PTPRK: variants seen among roughly 807,000 people sequenced by gnomAD.
The protein encoded by PTPRK is protein tyrosine phosphatase receptor type K.
Under a neutral mutation model 178.0 loss-of-function variants are expected in PTPRK, and 75 were observed. That is an observed-to-expected ratio of 0.42 (90% CI 0.35 to 0.51). The LOEUF is 0.51. Among genes scored for constraint, PTPRK ranks in the 20% least tolerant of loss-of-function variants. The pLI, the probability that PTPRK is intolerant of heterozygous loss-of-function variation, is 0.02. For synonymous variants in PTPRK, 637 were observed against 620.6 expected, an observed-to-expected ratio of 1.03 and a Z score of -0.39; for missense variants, 1,441 against 1,797.8, an observed-to-expected ratio of 0.80 and a Z score of 3.59.
chr6:128,321,435 A>C (rs1436322062), intron 3 of PTPRK: 2 of 229,334 alleles, frequency 8.7e-6, no homozygotes, highest in Non-Finnish European at 1.7e-5. Flanking sequence ...ATTTAATCAT[A>C]ATTCAATGAA....
At chr6:127,985,149 T>C (rs1178178838) in intron 22 of PTPRK, among the ~76,000 whole-genome samples, 1 of 152,196 alleles carries the variant, frequency 6.6e-6, no homozygotes, top group Non-Finnish European at 1.5e-5. Context: ...ATGCTTGTTT[T>C]AAGAGAAGTT....
At chr6:128,408,257 G>A (rs7774606) in intron 1 of PTPRK, among the ~76,000 whole-genome samples, 114,585 of 151,916 alleles carry the variant, frequency 0.75, 44,740 homozygotes, top group East Asian at 0.99. Flanking sequence ...GCGTGGTGGC[G>A]GGCGCCTGTA....
chr6:128,075,496 A>C (rs1397384706), intron 11 of PTPRK, among the ~76,000 whole-genome samples: 2 of 151,832 alleles, frequency 1.3e-5, no homozygotes, highest in Non-Finnish European at 2.9e-5. Flanking sequence ...GCTCATTTCT[A>C]CCTCTCCTCA....
intron 11 of PTPRK, among the ~76,000 whole-genome samples, chr6:128,071,100 C>T (rs1782741088): frequency 1.4e-5 from 2 of 144,848 alleles, no homozygotes; most frequent in East Asian, 2.0e-4. Flanking sequence ...ATCATGCAGG[C>T]TCTGAGGATA....
intron 8 of PTPRK, among the ~76,000 whole-genome samples, chr6:128,088,494 T>C (rs975023362): frequency 7.2e-5 from 11 of 152,134 alleles, no homozygotes; most frequent in African/African-American, 2.4e-4. Context: ...CATTGAAAGA[T>C]AAGAACTGAC....
At chr6:128,508,893 G>C (rs1481478863) in intron 1 of PTPRK, among the ~76,000 whole-genome samples, 1 of 150,792 alleles carries the variant, frequency 6.6e-6, no homozygotes, top group Admixed American at 6.6e-5. Flanking sequence ...GTTGCGGTGA[G>C]CCAAGATCAT....
At chr6:128,095,152 T>G (rs1325640252) in intron 7 of PTPRK, among the ~76,000 whole-genome samples, 1 of 151,746 alleles carries the variant, frequency 6.6e-6, no homozygotes, top group African/African-American at 2.4e-5. Context: ...ACCCACTAAG[T>G]CAAAAGCAGA....
intron 13 of PTPRK, among the ~76,000 whole-genome samples, chr6:128,031,363 C>A (rs1018887130): frequency 6.6e-6 from 1 of 152,216 alleles, no homozygotes; most frequent in African/African-American, 2.4e-5. Context: ...CATCCTCTGG[C>A]ACTTTGCACT....
At chr6:128,279,564 G>A (rs528852634) in intron 3 of PTPRK, among the ~76,000 whole-genome samples, 14 of 152,258 alleles carry the variant, frequency 9.2e-5, no homozygotes, top group Admixed American at 6.5e-4. Flanking sequence ...TACTCCAGAC[G>A]TTAACCAAAG....
At chr6:128,204,118 C>T (rs990984057) in intron 6 of PTPRK, among the ~76,000 whole-genome samples, 1 of 152,094 alleles carries the variant, frequency 6.6e-6, no homozygotes, top group African/African-American at 2.4e-5. Context: ...AAAAATAAGA[C>T]TATCCACCTA....
chr6:128,032,967 C>T (rs867924676), intron 13 of PTPRK, among the ~76,000 whole-genome samples: 6 of 152,128 alleles, frequency 3.9e-5, no homozygotes, highest in African/African-American at 1.2e-4. Context: ...CAGAGGTACA[C>T]CCCAAGCCAG....
chr6:128,185,084 A>C (rs1295112455), intron 6 of PTPRK, among the ~76,000 whole-genome samples: 10 of 152,188 alleles, frequency 6.6e-5, no homozygotes, highest in Non-Finnish European at 2.9e-5. Context: ...TTTCATTCAC[A>C]AACTATGCCC....
intron 23 of PTPRK, 101 bp from the exon 24 acceptor site, chr6:127,983,081 G>T: frequency 7.4e-7 from 1 of 1,342,434 alleles, no homozygotes; most frequent in South Asian, 1.4e-5. Context: ...ATGGAAATAT[G>T]AATTAAAACA....
intron 1 of PTPRK, among the ~76,000 whole-genome samples, chr6:128,436,410 A>C (rs1382289380): frequency 6.6e-6 from 1 of 152,220 alleles, no homozygotes; most frequent in East Asian, 1.9e-4. Flanking sequence ...TATAGTTTCT[A>C]AAGACAATTT....
intron 1 of PTPRK, among the ~76,000 whole-genome samples, chr6:128,398,061 C>T (rs565590755): frequency 5.6e-4 from 86 of 152,264 alleles, no homozygotes; most frequent in African/African-American, 1.9e-3. Context: ...ACAAAATCCA[C>T]ACCAAAGCGA....
intron 15 of PTPRK, 113 bp from the exon 16 acceptor site, chr6:127,999,017 G>A: frequency 1.1e-6 from 1 of 910,300 alleles, no homozygotes; most frequent in Non-Finnish European, 1.6e-6. Flanking sequence ...ATAACAAGAG[G>A]AATTCTGGGA....
Position 128,067,741 on chromosome 6 carries a change from T to C in PTPRK, c.1935A>G (p.Glu645=), listed in dbSNP as rs1419958341. Residue 645 remains glutamate, a synonymous_variant, in exon 12 of 30, where the codon GAA becomes GAG. Transcript: ENST00000368226. The part of the protein sequence containing the change: ...EELHPHRTKR[E]AGAMECYQVP... ...CCTGGTAGCATTCCATGGCTCCGGCTTCTCTCTTGGTTCGGTGTGGGTGCA... is the reference window on the plus strand; with the variant it reads ...CCTGGTAGCATTCCATGGCTCCGGCCTCTCTCTTGGTTCGGTGTGGGTGCA... The C allele has an allele frequency of 6.2e-7, 1 of 1,613,320 alleles. No individual in the cohort carries two copies. The highest frequency in any genetic ancestry group is 1.3e-5 in the African/African-American group (1 of 74,894).
chr6:128,019,366 G>A (rs1773098089), intron 13 of PTPRK, among the ~76,000 whole-genome samples: 1 of 151,984 alleles, frequency 6.6e-6, no homozygotes, highest in South Asian at 2.1e-4. Flanking sequence ...ATACAATAGA[G>A]GTGTCAACCT....
intron 7 of PTPRK, among the ~76,000 whole-genome samples, chr6:128,125,602 C>CTTTTTTTT (rs869038931): frequency 2.9e-5 from 2 of 68,382 alleles, no homozygotes; most frequent in African/African-American, 1.2e-4. Flanking sequence ...TTGGGCTTTT[C>CTTTTTTTT]TTTTTTTTTT....
Sources: gnomAD v4.1 joint callset for allele counts (sites outside exome capture counted in the v4.1 genomes callset) on GRCh38, gnomAD v4.1.1 for gene constraint, MANE v1.5 for transcripts, NCBI Gene and HGNC (gene_info 2026-07-23, HGNC 2026-07-21) for gene names.